Variants in DNAH14 observed in about 807,000 individuals in gnomAD.
DNAH14 encodes axonemal beta dynein heavy chain 14.
A neutral mutation model predicts 520.9 loss-of-function variants in DNAH14; 478 were observed. That is an observed-to-expected ratio of 0.92 (90% CI 0.85 to 0.99). The LOEUF (loss-of-function observed/expected upper bound fraction) is 0.99. Ranked by LOEUF, DNAH14 falls within the 50% of genes least tolerant of loss-of-function variation. DNAH14 has a pLI of 0.00. For missense variants in DNAH14, 4,831 were observed against 5,234.5 expected (o/e 0.92, Z 2.38); for synonymous variants, 1,581 against 1,757.2 (o/e 0.90, Z 2.51).
rs141545658 is a variant in DNAH14, at chr1:224,991,597, G to A, written c.831-11186G>A. ...TTCAAGTGATTCTCCTGCCTCAGCC[G>A]CCTGAGTAGCTGGGATTACAGGTGT... On this transcript the variant is annotated intron_variant, in intron 8 of 85. Coordinates refer to ENST00000682510, the MANE Select transcript of DNAH14 (RefSeq NM_001367479.1). Among the ~76,000 whole-genome samples, 12 of 151,920 alleles carry A rather than the reference G, an allele frequency of 7.9e-5. No homozygotes were observed. In the South Asian group the frequency reaches 1.9e-3, roughly 24 times the overall value.
intron 27 of DNAH14, among the ~76,000 whole-genome samples, chr1:225,134,081 C>T (rs1432488869): frequency 6.6e-6 from 1 of 152,082 alleles, no homozygotes; most frequent in East Asian, 1.9e-4. Flanking sequence ...ATTTTATATC[C>T]TGAGACTTTG....
intron 21 of DNAH14, among the ~76,000 whole-genome samples, chr1:225,093,065 A>G (rs1055329084): frequency 6.6e-6 from 1 of 152,110 alleles, no homozygotes; most frequent in Non-Finnish European, 1.5e-5. Flanking sequence ...AAATTCTACC[A>G]GATGTATAAA....
intron 54 of DNAH14, among the ~76,000 whole-genome samples, chr1:225,288,283 A>G (rs949507621): frequency 3.3e-5 from 5 of 152,174 alleles, no homozygotes; most frequent in Admixed American, 1.3e-4. Flanking sequence ...GTGACATTCC[A>G]TAAAATACCT....
intron 44 of DNAH14, among the ~76,000 whole-genome samples, chr1:225,254,565 T>C (rs1278815028): frequency 6.6e-6 from 1 of 152,174 alleles, no homozygotes; most frequent in African/African-American, 2.4e-5. Context: ...TTTTTGTCAC[T>C]TTTACTGAAG....
chr1:225,356,150 C>T (rs2150510384), intron 73 of DNAH14, among the ~76,000 whole-genome samples: 1 of 152,294 alleles, frequency 6.6e-6, no homozygotes, highest in African/African-American at 2.4e-5. Flanking sequence ...GTGAACAATG[C>T]TGCTATGATA....
chr1:225,316,965 GTTTC>G (rs1478782484), intron 60 of DNAH14, among the ~76,000 whole-genome samples: 1 of 152,124 alleles, frequency 6.6e-6, no homozygotes, highest in East Asian at 1.9e-4. Context: ...TAGTTTAGAA[GTTTC>G]TTTCAACTTT....
chr1:225,213,721 G>A (rs1441155679), intron 41 of DNAH14, among the ~76,000 whole-genome samples: 1 of 151,618 alleles, frequency 6.6e-6, no homozygotes, highest in Non-Finnish European at 1.5e-5. Flanking sequence ...CTGTTACTGG[G>A]GTATAGGAAT....
At chr1:225,057,302 TG>T (rs1421579984) in intron 17 of DNAH14, among the ~76,000 whole-genome samples, 3 of 152,228 alleles carry the variant, frequency 2.0e-5, no homozygotes, top group Non-Finnish European at 4.4e-5. Flanking sequence ...CAATTGTGAA[TG>T]GAAGTTCGCT....
intron 17 of DNAH14, among the ~76,000 whole-genome samples, chr1:225,066,502 G>A (rs1032395605): frequency 6.6e-6 from 1 of 151,732 alleles, no homozygotes; most frequent in Admixed American, 6.6e-5. Flanking sequence ...TTTTTATTAT[G>A]TATTTTTATT....
intron 3 of DNAH14, among the ~76,000 whole-genome samples, chr1:224,956,481 AG>A (rs1402059640): frequency 1.3e-5 from 2 of 152,138 alleles, no homozygotes; most frequent in African/African-American, 4.8e-5. Flanking sequence ...CGTGCTATAC[AG>A]ATTTGTAGCC....
intron 36 of DNAH14, among the ~76,000 whole-genome samples, chr1:225,169,763 G>A (rs2082408880): frequency 6.6e-6 from 1 of 152,076 alleles, no homozygotes; most frequent in South Asian, 2.1e-4. Context: ...AGGAAATAAT[G>A]GAGAACGCCA....
chr1:225,049,045 C>CTTTTTTTTTTTTTTTTTT (rs1196968494), intron 15 of DNAH14, among the ~76,000 whole-genome samples: 3 of 87,118 alleles, frequency 3.4e-5, no homozygotes, highest in Admixed American at 1.5e-4. Flanking sequence ...GATCTCTTGC[C>CTTTTTTTTTTTTTTTTTT]TATTTTTTTT....
At chr1:225,073,369 A>G (rs937669952) in intron 17 of DNAH14, among the ~76,000 whole-genome samples, 1 of 151,422 alleles carries the variant, frequency 6.6e-6, no homozygotes, top group Non-Finnish European at 1.5e-5. Context: ...GGAGTTTTCA[A>G]ATCTGTGTAG....
chr1:225,304,761 C>A, intron 57 of DNAH14, 147 bp from the exon 58 acceptor site: 1 of 745,310 alleles, frequency 1.3e-6, no homozygotes, highest in Non-Finnish European at 2.1e-6. Context: ...CTCATATTTT[C>A]TTTGTCCTGC....
intron 27 of DNAH14, among the ~76,000 whole-genome samples, chr1:225,129,654 TAC>T (rs1553465739): frequency 6.6e-6 from 1 of 151,832 alleles, no homozygotes; most frequent in Non-Finnish European, 1.5e-5. Context: ...TTACACCTTA[TAC>T]AAAAATTAAT....
At chr1:225,322,640 T>C (rs2094578831) in intron 61 of DNAH14, 24 bp from the exon 62 acceptor site, 2 of 1,431,796 alleles carry the variant, frequency 1.4e-6, no homozygotes, top group Middle Eastern at 1.8e-4. Context: ...GTGAAGTTGA[T>C]GAGATTTTCA....
rs975788513 is a variant in DNAH14, at chr1:225,232,681, G to C, written c.6518+1530G>C. Among the ~76,000 whole-genome samples the C allele has an allele frequency of 6.6e-6, 1 of 152,084 alleles. No individual in the cohort carries two copies. The highest frequency in any genetic ancestry group is 1.5e-5 in the Non-Finnish European group (1 of 68,032). Reference sequence around the variant, plus strand: ...TTCTGCCCAAGATGTTCTTTCTCCTGTATTTTGCCAAATATCACCGATTCT... The same window carrying C: ...TTCTGCCCAAGATGTTCTTTCTCCTCTATTTTGCCAAATATCACCGATTCT... On this transcript the variant is annotated intron_variant, in intron 42 of 85. Transcript: ENST00000682510. The surrounding 1 kb of genome is among the most constrained non-coding windows in gnomAD (Gnocchi z 4.2).
chr1:225,176,561 G>GT (rs113274310), intron 36 of DNAH14, among the ~76,000 whole-genome samples: 14 of 152,002 alleles, frequency 9.2e-5, no homozygotes, highest in African/African-American at 3.1e-4. Context: ...ATTATTGTAT[G>GT]ATATGGTTTG....
chr1:225,226,437 G>A (rs967594354), intron 41 of DNAH14, among the ~76,000 whole-genome samples: 9 of 152,172 alleles, frequency 5.9e-5, no homozygotes, highest in African/African-American at 2.2e-4. Flanking sequence ...CTCAAACCAG[G>A]CAACACTACC....
Sources: allele counts gnomAD v4.1 joint callset (sites outside exome capture counted in the v4.1 genomes callset), GRCh38; gene constraint gnomAD v4.1.1; non-coding constraint Gnocchi (gnomAD v3.1); transcripts MANE v1.5; gene names NCBI Gene and HGNC (gene_info 2026-07-23, HGNC 2026-07-21).